SH3RF3: variants seen among roughly 807,000 people sequenced by gnomAD.
SH3RF3 encodes SH3 domain containing ring finger 3, also known as E3 ubiquitin-protein ligase SH3RF3.
In SH3RF3, 29 loss-of-function variants were observed where a neutral mutation model predicts 66.3. The ratio of observed to expected loss-of-function variants is 0.44; its 90% CI spans 0.33 to 0.60. SH3RF3 has a LOEUF of 0.60. SH3RF3 is among the 20% of genes least tolerant of loss of function. The pLI is 0.04. For synonymous variants in SH3RF3, 583 were observed against 532.0 expected, an observed-to-expected ratio of 1.10 and a Z score of -1.32; for missense variants, 1,194 against 1,190.9, an observed-to-expected ratio of 1.00 and a Z score of -0.04.
intron 1 of SH3RF3, among the ~76,000 whole-genome samples, chr2:109,163,191 A>C (rs1378015576): frequency 6.6e-6 from 1 of 152,162 alleles, no homozygotes; most frequent in Admixed American, 6.5e-5. Flanking sequence ...AGGCGGGAAT[A>C]GGAACTCGCG....
intron 9 of SH3RF3, among the ~76,000 whole-genome samples, chr2:109,496,893 G>A (rs1679274799): frequency 6.6e-6 from 1 of 152,224 alleles, no homozygotes; most frequent in Non-Finnish European, 1.5e-5. Flanking sequence ...GTCCTTATGA[G>A]TAGAAGAGAG....
intron 4 of SH3RF3, 31 bp downstream of exon 4, chr2:109,398,974 C>T (rs757825576): frequency 7.6e-6 from 12 of 1,575,328 alleles, no homozygotes; most frequent in Admixed American, 1.7e-5. Context: ...GCAGGCATCC[C>T]TGGGTTCTCT....
intron 9 of SH3RF3, among the ~76,000 whole-genome samples, chr2:109,493,608 C>T (rs1679185931): frequency 1.3e-5 from 2 of 151,340 alleles, no homozygotes; most frequent in Non-Finnish European, 2.9e-5. Flanking sequence ...AAACCACACA[C>T]ACTGCAAACN....
At chr2:109,144,920 C>T (rs533286132) in intron 1 of SH3RF3, among the ~76,000 whole-genome samples, 18 of 152,340 alleles carry the variant, frequency 1.2e-4, no homozygotes, top group Non-Finnish European at 1.5e-4. Flanking sequence ...GCGGTGTGGA[C>T]ACTGCGCACT....
chr2:109,131,431 G>A (rs1456695786), intron 1 of SH3RF3, among the ~76,000 whole-genome samples: 1 of 152,090 alleles, frequency 6.6e-6, no homozygotes, highest in Admixed American at 6.5e-5. Flanking sequence ...TTTGATGTAA[G>A]GTATTTATAA....
intron 1 of SH3RF3, among the ~76,000 whole-genome samples, chr2:109,295,319 A>G (rs1420766240): frequency 1.3e-5 from 2 of 152,206 alleles, no homozygotes; most frequent in African/African-American, 4.8e-5. Flanking sequence ...TGAGGAAACC[A>G]CAGGTCAGAG....
chr2:109,449,540 G>GC, intron 8 of SH3RF3, 51 bp downstream of exon 8: 3 of 1,578,588 alleles, frequency 1.9e-6, no homozygotes, highest in Non-Finnish European at 2.6e-6. Context: ...GCTGCTTACT[G>GC]TAACTTTTTG....
At chr2:109,209,937 C>T (rs1678930329) in intron 1 of SH3RF3, among the ~76,000 whole-genome samples, 1 of 152,204 alleles carries the variant, frequency 6.6e-6, no homozygotes, top group African/African-American at 2.4e-5. Flanking sequence ...CTGAGCAACA[C>T]CTTTCCAAAC....
At chr2:109,262,938 C>G (rs1231958111) in intron 1 of SH3RF3, among the ~76,000 whole-genome samples, 2 of 152,074 alleles carry the variant, frequency 1.3e-5, no homozygotes, top group Non-Finnish European at 2.9e-5. Context: ...GTTCCAGCAA[C>G]TCTTCTGTCT....
At chr2:109,333,271 G>A (rs183065597) in intron 1 of SH3RF3, among the ~76,000 whole-genome samples, 100 of 152,292 alleles carry the variant, frequency 6.6e-4, no homozygotes, top group Middle Eastern at 3.4e-3. Flanking sequence ...GATTAGTTTC[G>A]CCTTTTAAAA....
chr2:109,407,736 C>G (rs548681141), intron 4 of SH3RF3, among the ~76,000 whole-genome samples: 1 of 111,826 alleles, frequency 8.9e-6, no homozygotes, highest in Non-Finnish European at 1.9e-5. Flanking sequence ...CCAAGTGAGC[C>G]TGGGATGAAT....
chr2:109,177,555 G>T (rs145656807), intron 1 of SH3RF3, among the ~76,000 whole-genome samples: 3 of 152,002 alleles, frequency 2.0e-5, no homozygotes, highest in Admixed American at 2.0e-4. Context: ...GCTCTGGGGG[G>T]GGGCACCATT....
In SH3RF3 at chr2:109,500,785, CA is replaced by C. The variant is rs930373604; in HGVS notation, c.2481-709del. Among the ~76,000 whole-genome samples, 15 of 151,116 alleles carry C rather than the reference CA, an allele frequency of 9.9e-5. No homozygotes were observed. In the East Asian group the frequency reaches 1.6e-3, roughly 16 times the overall value. ...GCAACATAGCAAGACCCCATCTCTA[CA>C]AAAAAAAATTAGAAATTGGCTGGGC... On this transcript the variant is annotated intron_variant, in intron 9 of 9. Coordinates refer to ENST00000309415, the MANE Select transcript of SH3RF3 (RefSeq NM_001099289.3).
intron 8 of SH3RF3, among the ~76,000 whole-genome samples, chr2:109,482,288 A>AT (rs1231655161): frequency 6.6e-6 from 1 of 152,168 alleles, no homozygotes; most frequent in African/African-American, 2.4e-5. Context: ...CATAGTAATA[A>AT]TTATCATTAT....
chr2:109,226,611 C>T (rs551763202), intron 1 of SH3RF3, among the ~76,000 whole-genome samples: 33 of 152,126 alleles, frequency 2.2e-4, no homozygotes, highest in Admixed American at 4.6e-4. Context: ...CTTCTTGAAT[C>T]GCTCCCCTTT....
chr2:109,370,048 G>A (rs1466692018), intron 2 of SH3RF3, among the ~76,000 whole-genome samples: 1 of 152,076 alleles, frequency 6.6e-6, no homozygotes, highest in Non-Finnish European at 1.5e-5. Flanking sequence ...AACAAATAAC[G>A]GGGGCAGTTT....
intron 3 of SH3RF3, among the ~76,000 whole-genome samples, chr2:109,395,884 A>G (rs980223436): frequency 6.6e-6 from 1 of 152,160 alleles, no homozygotes; most frequent in Non-Finnish European, 1.5e-5. Context: ...CCTGATTTTG[A>G]AAACAGTTTT....
chr2:109,461,197 G>C (rs1678200612), intron 8 of SH3RF3, among the ~76,000 whole-genome samples: 1 of 152,236 alleles, frequency 6.6e-6, no homozygotes, highest in Non-Finnish European at 1.5e-5. Context: ...TGCACGCCCA[G>C]CTTTATGCTT....
chr2:109,160,683 ATC>A (rs1257859814), intron 1 of SH3RF3, among the ~76,000 whole-genome samples: 1 of 152,154 alleles, frequency 6.6e-6, no homozygotes, highest in Non-Finnish European at 1.5e-5. Flanking sequence ...CAAAGCCAAG[ATC>A]TCTGACTGCA....
Sources: gnomAD v4.1 joint callset for allele counts (sites outside exome capture counted in the v4.1 genomes callset) on GRCh38, gnomAD v4.1.1 for gene constraint, MANE v1.5 for transcripts, NCBI Gene and HGNC (gene_info 2026-07-23, HGNC 2026-07-21) for gene names.